The following MEGF10 variants were observed in gnomAD, a reference collection of about 807,000 sequenced individuals.
MEGF10 encodes the protein multiple EGF like domains 10.
In MEGF10, 86 loss-of-function variants were observed where a neutral mutation model predicts 147.5. That is an observed-to-expected ratio of 0.58 (90% confidence interval 0.49 to 0.70). The LOEUF (loss-of-function observed/expected upper bound fraction) is 0.70, where lower values mean the gene tolerates loss of function less well. Among genes scored for constraint, MEGF10 ranks in the 30% least tolerant of loss-of-function variants. The pLI, the probability that MEGF10 is intolerant of heterozygous loss-of-function variation, is 0.00. For synonymous variants in MEGF10, 478 were observed against 525.5 expected, an observed-to-expected ratio of 0.91 and a Z score of 1.24; for missense variants, 1,329 against 1,487.3, an observed-to-expected ratio of 0.89 and a Z score of 1.75.
At chr5:127,243,068 G>C in the MEGF10 span, among the ~76,000 whole-genome samples, 1 of 152,110 alleles carries the variant, frequency 6.6e-6, no homozygotes, top group Non-Finnish European at 1.5e-5. Flanking sequence ...TTCTGCTTAG[G>C]TATGCATGTA....
At chr5:127,277,395 G>T in the MEGF10 span, among the ~76,000 whole-genome samples, 1 of 152,154 alleles carries the variant, frequency 6.6e-6, no homozygotes, top group Admixed American at 6.5e-5. Context: ...ACAGTCCACT[G>T]GTCCTTCTGC....
At position 127,458,618 on chromosome 5, in the gene MEGF10, T is replaced by C. The variant is rs1465901424; in HGVS notation, c.*1300T>C. The C allele has an allele frequency of 6.6e-6, 1 of 152,178 alleles. No individual in the cohort carries two copies. The highest frequency in any genetic ancestry group is 1.5e-5 in the Non-Finnish European group (1 of 68,034). The allele number at this position is 152,178 out of a possible 1,614,324, so 9.4% of individuals were successfully genotyped here. A position where few individuals can be genotyped will look rare whatever the true frequency, so the allele number is the denominator to read the frequency against. On this transcript the variant is annotated 3_prime_UTR_variant, in exon 25 of 25. Transcript: ENST00000503335. Reference sequence around the variant, plus strand: ...GATGAAAATATATAATTTGAATTGATTAAAATTGGTCGTTACTAAAATAGT... The same window carrying C: ...GATGAAAATATATAATTTGAATTGACTAAAATTGGTCGTTACTAAAATAGT...
At chr5:127,270,323 G>A in the MEGF10 span, among the ~76,000 whole-genome samples, 78 of 152,280 alleles carry the variant, frequency 5.1e-4, 1 homozygote, top group African/African-American at 1.8e-3. Context: ...TCAGTGTGCT[G>A]TATTCAGGAG....
At chr5:127,448,860 A>G (rs1053866052) in intron 21 of MEGF10, among the ~76,000 whole-genome samples, 1 of 150,492 alleles carries the variant, frequency 6.6e-6, no homozygotes, top group East Asian at 2.0e-4. Context: ...TTGGCACAGG[A>G]TGACAGAGTG....
chr5:127,396,566 C>T lies in MEGF10; in HGVS notation c.447C>T (p.Thr149=), dbSNP rs976823569. 1 of 1,586,876 alleles carries T rather than the reference C, an allele frequency of 6.3e-7. No individual in the cohort carries two copies. The highest frequency in any genetic ancestry group is 8.6e-7 in the Non-Finnish European group (1 of 1,163,324). ...GTGATCACTGGGGTCCCCACTGCAC[C>T]AGCCGGTGCCAGTGCAAAAATGGGG... ...CDGDHWGPHC[T]SRCQCKNGAL... is the part of the protein sequence containing the mutation. The change falls in exon 6 of 25, where the codon ACC becomes ACT. Residue 149 remains threonine, a synonymous_variant. Transcript: ENST00000503335.
At chr5:127,354,553 A>G (rs1236496979) in intron 4 of MEGF10, among the ~76,000 whole-genome samples, 2 of 152,124 alleles carry the variant, frequency 1.3e-5, no homozygotes, top group African/African-American at 4.8e-5. Flanking sequence ...GATTTCTGCC[A>G]CGGGATTGGA....
chr5:127,408,796 G>C (rs1454671023), intron 8 of MEGF10, among the ~76,000 whole-genome samples: 2 of 152,168 alleles, frequency 1.3e-5, no homozygotes, highest in East Asian at 3.9e-4. Context: ...CATCGAAAGG[G>C]CTGGTCCAAG....
chr5:127,242,317 T>C, the MEGF10 span, among the ~76,000 whole-genome samples: 3 of 152,202 alleles, frequency 2.0e-5, no homozygotes, highest in Non-Finnish European at 2.9e-5. Flanking sequence ...CTGAGCAACA[T>C]TAAGACTTCT....
intron 5 of MEGF10, among the ~76,000 whole-genome samples, chr5:127,373,837 A>T (rs1178706104): frequency 6.6e-6 from 1 of 152,200 alleles, no homozygotes; most frequent in East Asian, 1.9e-4. Context: ...CAAAAAGGAA[A>T]CCCCACTAAG....
At chr5:127,282,374 G>C in the MEGF10 span, among the ~76,000 whole-genome samples, 1 of 152,108 alleles carries the variant, frequency 6.6e-6, no homozygotes, top group South Asian at 2.1e-4. Flanking sequence ...TGTCGAAGTT[G>C]GTTTTCTGAT....
At chr5:127,358,227 G>A (rs1387331655) in intron 4 of MEGF10, among the ~76,000 whole-genome samples, 2 of 152,148 alleles carry the variant, frequency 1.3e-5, no homozygotes, top group African/African-American at 2.4e-5. Context: ...GGGAAAGAGA[G>A]TGGAAAGAAC....
intron 10 of MEGF10, 116 bp downstream of exon 10, chr5:127,417,928 C>A: frequency 1.9e-6 from 2 of 1,042,778 alleles, no homozygotes; most frequent in Non-Finnish European, 2.7e-6. Flanking sequence ...TCATCCACAT[C>A]ATTAAAGAGA....
the MEGF10 span, among the ~76,000 whole-genome samples, chr5:127,280,625 C>T: frequency 6.6e-6 from 1 of 152,128 alleles, no homozygotes; most frequent in African/African-American, 2.4e-5. Context: ...TACATACACG[C>T]GTGCAGTTTG....
chr5:127,393,822 CT>C (rs1003342778), intron 5 of MEGF10, among the ~76,000 whole-genome samples: 6 of 134,898 alleles, frequency 4.4e-5, no homozygotes, highest in African/African-American at 5.5e-5. Flanking sequence ...TTTTTTTTTT[CT>C]TTTTTTTTTG....
At chr5:127,360,311 T>C (rs1484499905) in intron 4 of MEGF10, among the ~76,000 whole-genome samples, 1 of 152,070 alleles carries the variant, frequency 6.6e-6, no homozygotes, top group Non-Finnish European at 1.5e-5. Flanking sequence ...AGAAATATAA[T>C]TGAGGTTTTG....
At chr5:127,335,444 G>A (rs1261273633) in intron 2 of MEGF10, among the ~76,000 whole-genome samples, 1 of 152,198 alleles carries the variant, frequency 6.6e-6, no homozygotes, top group East Asian at 1.9e-4. Flanking sequence ...AGCAGCCTAA[G>A]CACTGGCCAT....
intron 5 of MEGF10, among the ~76,000 whole-genome samples, chr5:127,391,102 G>GCGCGCGCACACA (rs1426600414): frequency 3.7e-5 from 2 of 53,892 alleles, no homozygotes; most frequent in Non-Finnish European, 5.0e-5. Flanking sequence ...GCGCGCGCGC[G>GCGCGCGCACACA]CACACACACA....
chr5:127,375,954 TA>T (rs1763010683), intron 5 of MEGF10, among the ~76,000 whole-genome samples: 1 of 152,120 alleles, frequency 6.6e-6, no homozygotes. Flanking sequence ...AACAAATGAG[TA>T]ATGGTTGCTG....
chr5:127,325,506 A>G (rs553627087), intron 1 of MEGF10, among the ~76,000 whole-genome samples: 6 of 152,192 alleles, frequency 3.9e-5, no homozygotes, highest in African/African-American at 1.2e-4. Context: ...CACCACCTAT[A>G]TAATGACCGT....
Sources: gnomAD v4.1 joint callset for allele counts (sites outside exome capture counted in the v4.1 genomes callset) on GRCh38, gnomAD v4.1.1 for gene constraint, MANE v1.5 for transcripts, NCBI Gene and HGNC (gene_info 2026-07-23, HGNC 2026-07-21) for gene names.